Variants in MAML2 observed in about 807,000 individuals in gnomAD.
MAML2 encodes the protein mastermind-like protein 2.
Under a neutral mutation model 96.1 loss-of-function variants are expected in MAML2, and 22 were observed. That is an observed-to-expected ratio of 0.23 (90% CI 0.16 to 0.33). The LOEUF (loss-of-function observed/expected upper bound fraction) is 0.33. Among genes scored for constraint, MAML2 ranks in the 10% least tolerant of loss-of-function variants. The pLI, the probability that MAML2 is intolerant of heterozygous loss-of-function variation, is 1.00. For missense variants in MAML2, 1,367 were observed against 1,392.4 expected, an observed-to-expected ratio of 0.98 and a Z score of 0.29; for synonymous variants, 561 against 521.3, an observed-to-expected ratio of 1.08 and a Z score of -1.04.
At chr11:96,015,324 G>C (rs2135731449) in intron 2 of MAML2, among the ~76,000 whole-genome samples, 1 of 152,138 alleles carries the variant, frequency 6.6e-6, no homozygotes, top group East Asian at 1.9e-4. Flanking sequence ...TGAATAAGTA[G>C]CTTCATTTTT....
At chr11:96,036,768 A>T (rs1858719887) in intron 2 of MAML2, among the ~76,000 whole-genome samples, 1 of 152,182 alleles carries the variant, frequency 6.6e-6, no homozygotes, top group African/African-American at 2.4e-5. Flanking sequence ...GTTAACCCCC[A>T]ATAATTCTTA....
At chr11:96,102,915 A>C (rs1303014869) in intron 1 of MAML2, among the ~76,000 whole-genome samples, 4 of 152,250 alleles carry the variant, frequency 2.6e-5, no homozygotes, top group African/African-American at 9.6e-5. Flanking sequence ...GCAAATCCAA[A>C]GTAAATGCTA....
At chr11:96,277,475 G>A (rs1863005580) in intron 1 of MAML2, among the ~76,000 whole-genome samples, 1 of 152,118 alleles carries the variant, frequency 6.6e-6, no homozygotes, top group South Asian at 2.1e-4. Context: ...TACTGTCCAG[G>A]CGCGGTGGCT....
intron 1 of MAML2, among the ~76,000 whole-genome samples, chr11:96,284,285 C>T (rs1219369440): frequency 6.6e-6 from 1 of 152,204 alleles, no homozygotes; most frequent in African/African-American, 2.4e-5. Flanking sequence ...TATGAATCCT[C>T]TCCAGAGGTG....
At chr11:96,169,836 G>A (rs1861254938) in intron 1 of MAML2, among the ~76,000 whole-genome samples, 1 of 152,116 alleles carries the variant, frequency 6.6e-6, no homozygotes, top group Non-Finnish European at 1.5e-5. Flanking sequence ...TGTATTTTTA[G>A]TAGAGACGGG....
intron 1 of MAML2, among the ~76,000 whole-genome samples, chr11:96,308,945 T>A (rs1353078664): frequency 1.3e-5 from 2 of 152,248 alleles, no homozygotes; most frequent in Non-Finnish European, 2.9e-5. Context: ...CTCTGTGTAC[T>A]CTTGTCCAAA....
At chr11:96,280,394 G>C (rs3802768) in intron 1 of MAML2, among the ~76,000 whole-genome samples, 6,456 of 152,204 alleles carry the variant, frequency 0.042, 140 homozygotes, top group South Asian at 0.063. Flanking sequence ...GGGTGAAAAC[G>C]CAGGGATCTT....
chr11:96,270,689 C>T (rs760281842), intron 1 of MAML2, among the ~76,000 whole-genome samples: 3 of 152,150 alleles, frequency 2.0e-5, no homozygotes, highest in South Asian at 2.1e-4. Flanking sequence ...AACACAACAG[C>T]GAGAATGATC....
chr11:96,073,633 A>G (rs552360568), intron 2 of MAML2, among the ~76,000 whole-genome samples: 29 of 152,274 alleles, frequency 1.9e-4, no homozygotes, highest in African/African-American at 6.7e-4. Flanking sequence ...GCAGCTGAAG[A>G]CAATGACGAT....
intron 1 of MAML2, among the ~76,000 whole-genome samples, chr11:96,176,545 C>A (rs184717432): frequency 6.6e-6 from 1 of 152,192 alleles, no homozygotes; most frequent in East Asian, 1.9e-4. Flanking sequence ...GGATGGGGCA[C>A]AGAGTCTTCT....
intron 2 of MAML2, among the ~76,000 whole-genome samples, chr11:96,088,906 A>G (rs1353544010): frequency 6.6e-6 from 1 of 152,104 alleles, no homozygotes; most frequent in Non-Finnish European, 1.5e-5. Context: ...GTCACCTTGC[A>G]TATCTATGAG....
chr11:96,204,537 G>T (rs992742167), intron 1 of MAML2, among the ~76,000 whole-genome samples: 1 of 152,196 alleles, frequency 6.6e-6, no homozygotes, highest in African/African-American at 2.4e-5. Flanking sequence ...GTAAGATCAG[G>T]TTAATTGTAT....
At chr11:96,134,582 C>G (rs990825570) in intron 1 of MAML2, among the ~76,000 whole-genome samples, 25 of 152,192 alleles carry the variant, frequency 1.6e-4, no homozygotes, top group African/African-American at 5.8e-4. Context: ...AGAAGTTTTG[C>G]TGTATGTAAA....
intron 1 of MAML2, among the ~76,000 whole-genome samples, chr11:96,292,489 G>A (rs1304881701): frequency 6.6e-6 from 1 of 152,156 alleles, no homozygotes; most frequent in East Asian, 1.9e-4. Flanking sequence ...TGAAACTGAG[G>A]CCAAGAAGTT....
chr11:96,237,963 C>A (rs1862387219), intron 1 of MAML2, among the ~76,000 whole-genome samples: 1 of 152,202 alleles, frequency 6.6e-6, no homozygotes, highest in Non-Finnish European at 1.5e-5. Flanking sequence ...TGAAAAATTG[C>A]TCAATATTCT....
chr11:96,062,929 TTA>T (rs1288052876), intron 2 of MAML2, among the ~76,000 whole-genome samples: 2 of 152,206 alleles, frequency 1.3e-5, no homozygotes, highest in South Asian at 2.1e-4. Flanking sequence ...CCAAATATGA[TTA>T]TGTTGCCAAC....
At chr11:96,094,511 G>A (rs1227549334) in intron 1 of MAML2, among the ~76,000 whole-genome samples, 1 of 152,174 alleles carries the variant, frequency 6.6e-6, no homozygotes, top group Admixed American at 6.5e-5. Context: ...TGCTGAAAGG[G>A]GAGCTTGTCT....
At chr11:96,246,506 A>C (rs1862514269) in intron 1 of MAML2, among the ~76,000 whole-genome samples, 1 of 152,068 alleles carries the variant, frequency 6.6e-6, no homozygotes. Context: ...ATGGCATGCG[A>C]TCTACCTCCT....
chr11:96,139,274 G>C (rs1006164163), intron 1 of MAML2, among the ~76,000 whole-genome samples: 22 of 151,928 alleles, frequency 1.4e-4, no homozygotes, highest in Non-Finnish European at 2.6e-4. Context: ...TCAGGAGATC[G>C]AGACCATCCT....
Sources: allele counts gnomAD v4.1 joint callset (sites outside exome capture counted in the v4.1 genomes callset), GRCh38; gene constraint gnomAD v4.1.1; transcripts MANE v1.5; gene names NCBI Gene and HGNC (gene_info 2026-07-23, HGNC 2026-07-21).